Variants in CHIC2 observed in about 807,000 individuals in gnomAD.
The protein encoded by CHIC2 is cysteine rich hydrophobic domain 2.
Under a neutral mutation model 25.9 loss-of-function variants are expected in CHIC2, and 14 were observed. That is an observed-to-expected ratio of 0.54 (90% CI 0.36 to 0.85). The LOEUF (loss-of-function observed/expected upper bound fraction) is 0.85, where lower values mean the gene tolerates loss of function less well. Among genes scored for constraint, CHIC2 ranks in the 40% least tolerant of loss-of-function variants. The pLI is 0.01. For synonymous variants in CHIC2, 70 were observed against 72.0 expected, an observed-to-expected ratio of 0.97 and a Z score of 0.14; for missense variants, 146 against 202.0, an observed-to-expected ratio of 0.72 and a Z score of 1.68.
intron 1 of CHIC2, among the ~76,000 whole-genome samples, chr4:54,059,055 C>T (rs1339147481): frequency 6.6e-6 from 1 of 152,040 alleles, no homozygotes; most frequent in Non-Finnish European, 1.5e-5. Flanking sequence ...AACTTTGAAA[C>T]CTCAGTTAAT....
At position 54,064,215 on chromosome 4, in the gene CHIC2, G is replaced by A. The variant is rs779677655; in HGVS notation, c.86C>T (p.Pro29Leu). Residue 29 changes from proline (P) to leucine (L), a missense_variant, in exon 1 of 6, where the codon CCG becomes CTG. By Grantham distance (98) the Pro-to-Leu change is moderately conservative. Coordinates refer to ENST00000263921, the MANE Select transcript of CHIC2 (RefSeq NM_012110.4). The surrounding 1 kb of genome is among the most constrained non-coding windows in gnomAD (Gnocchi z 4.2). ...EEQLLKYSPD[P>L]VVVRGSGHVT... The stretch of plus-strand genomic sequence containing the variant: ...GTGACCGGAGCCGCGGACGACCACC[G>A]GGTCCGGCGAGTACTTGAGCAGCTG... 1 of 1,606,864 alleles carries A rather than the reference G, an allele frequency of 6.2e-7. No individual in the cohort carries two copies. Among genetic ancestry groups the A allele is most frequent in the Non-Finnish European group, 8.5e-7 (1 of 1,176,912 alleles).
the CHIC2 span, among the ~76,000 whole-genome samples, chr4:54,086,367 A>G: frequency 5.3e-5 from 8 of 152,086 alleles, no homozygotes; most frequent in African/African-American, 1.9e-4. Flanking sequence ...CTCCATCCCA[A>G]CCTCACCCTT....
At chr4:54,047,854 AAATTT>A (rs1282853203) in intron 3 of CHIC2, among the ~76,000 whole-genome samples, 3 of 151,976 alleles carry the variant, frequency 2.0e-5, no homozygotes, top group Non-Finnish European at 2.9e-5. Flanking sequence ...TTAAAAAATA[AAATTT>A]ATTTATTTAA....
At chr4:54,036,827 T>A (rs1315668383) in intron 3 of CHIC2, among the ~76,000 whole-genome samples, 1 of 57,382 alleles carries the variant, frequency 1.7e-5, no homozygotes, top group Non-Finnish European at 3.6e-5. Flanking sequence ...AAACATACAC[T>A]GACATATGAC....
chr4:54,023,291 C>T (rs1279171452), intron 3 of CHIC2, among the ~76,000 whole-genome samples: 1 of 152,170 alleles, frequency 6.6e-6, no homozygotes, highest in Non-Finnish European at 1.5e-5. Flanking sequence ...TGTCTCCGTG[C>T]AGAGGCTGCC....
chr4:54,053,555 T>TC lies in CHIC2; in HGVS notation c.120-4251dup, dbSNP rs1553887079. Among the ~76,000 whole-genome samples the TC allele has an allele frequency of 9.4e-5, 6 of 63,924 alleles. No individual in the cohort carries two copies. In the South Asian group the frequency reaches 1.6e-3, roughly 17 times the overall value. The allele number at this position is 63,924 out of a possible 152,430, so 41.9% of individuals were successfully genotyped here. Reference sequence around the variant, plus strand: ...GGGCTGACAACAGTGAGACTCAGTCTCAAAAAAAAAAAAAAAAAAAAAAAA... The same window carrying TC: ...GGGCTGACAACAGTGAGACTCAGTCTCCAAAAAAAAAAAAAAAAAAAAAAAA... On this transcript the variant is annotated intron_variant, in intron 1 of 5. Coordinates refer to ENST00000263921, the MANE Select transcript of CHIC2 (RefSeq NM_012110.4).
chr4:54,026,119 T>A (rs1386936009), intron 3 of CHIC2, among the ~76,000 whole-genome samples: 1 of 152,192 alleles, frequency 6.6e-6, no homozygotes, highest in African/African-American at 2.4e-5. Flanking sequence ...GAAATGTAAA[T>A]CTATACTAGG....
At chr4:54,066,775 G>A (rs778020939), upstream of CHIC2, among the ~76,000 whole-genome samples, 1 of 152,154 alleles carries the variant, frequency 6.6e-6, no homozygotes, top group Non-Finnish European at 1.5e-5. Context: ...CAGGAACCAG[G>A]AGACTAGTGG....
At chr4:54,080,114 G>GTA in the CHIC2 span, among the ~76,000 whole-genome samples, 116 of 146,208 alleles carry the variant, frequency 7.9e-4, no homozygotes, top group African/African-American at 2.2e-3. Flanking sequence ...AGAAAATTTG[G>GTA]TATATATATA....
At chr4:54,059,634 T>C (rs1717273387) in intron 1 of CHIC2, 1 of 152,152 alleles carries the variant, frequency 6.6e-6, no homozygotes, top group Non-Finnish European at 1.5e-5. Flanking sequence ...ATTACCAGAT[T>C]TCATTTTTTA....
the CHIC2 span, chr4:54,087,570 C>T: frequency 9.2e-7 from 1 of 1,091,720 alleles, no homozygotes. Flanking sequence ...CACCCTGATG[C>T]TCCTGTGTCC....
the CHIC2 span, among the ~76,000 whole-genome samples, chr4:54,091,495 T>TACACTCATATATTCAC: frequency 6.6e-6 from 1 of 152,126 alleles, no homozygotes; most frequent in Non-Finnish European, 1.5e-5. Context: ...CACACATTCA[T>TACACTCATATATTCAC]ACACTCATAT....
intron 1 of CHIC2, among the ~76,000 whole-genome samples, chr4:54,063,247 G>A (rs749245286): frequency 6.6e-6 from 1 of 152,194 alleles, no homozygotes; most frequent in Non-Finnish European, 1.5e-5. Context: ...AGAGATACCT[G>A]ACAAGTATGG....
At chr4:54,047,964 A>G (rs949443142) in intron 3 of CHIC2, among the ~76,000 whole-genome samples, 1 of 152,112 alleles carries the variant, frequency 6.6e-6, no homozygotes, top group African/African-American at 2.4e-5. Context: ...ATAATTTGTC[A>G]TATCTCTACC....
intron 3 of CHIC2, among the ~76,000 whole-genome samples, chr4:54,041,183 T>C (rs1289056320): frequency 6.6e-6 from 1 of 151,852 alleles, no homozygotes; most frequent in East Asian, 2.0e-4. Context: ...AAGACAGAAC[T>C]GCAGTTTTCC....
chr4:54,031,359 G>A (rs1461685937), intron 3 of CHIC2, among the ~76,000 whole-genome samples: 1 of 151,896 alleles, frequency 6.6e-6, no homozygotes, highest in Non-Finnish European at 1.5e-5. Flanking sequence ...CTTCTTATTA[G>A]TAAGCACCAT....
chr4:54,086,847 A>G, the CHIC2 span: 2 of 535,526 alleles, frequency 3.7e-6, no homozygotes, highest in Non-Finnish European at 3.4e-6. Context: ...ATCCTGCAAG[A>G]TCTATAAGAG....
chr4:54,024,125 C>T (rs984195373), intron 3 of CHIC2, among the ~76,000 whole-genome samples: 1 of 152,174 alleles, frequency 6.6e-6, no homozygotes, highest in Admixed American at 6.5e-5. Context: ...ACTAAAACTT[C>T]CACCTATCAA....
intron 3 of CHIC2, among the ~76,000 whole-genome samples, chr4:54,043,618 G>C (rs935464260): frequency 3.0e-4 from 46 of 152,102 alleles, no homozygotes; most frequent in African/African-American, 4.1e-4. Context: ...GATTCTGTCA[G>C]CACCAGGCCT....
Sources: gnomAD v4.1 joint callset for allele counts (sites outside exome capture counted in the v4.1 genomes callset) on GRCh38, gnomAD v4.1.1 for gene constraint, Gnocchi (gnomAD v3.1) non-coding constraint, MANE v1.5 for transcripts, NCBI Gene and HGNC (gene_info 2026-07-23, HGNC 2026-07-21) for gene names.